DNM1: variants seen among roughly 807,000 people sequenced by gnomAD.
DNM1 encodes dynamin-1.
In DNM1, 29 loss-of-function variants were observed where a neutral mutation model predicts 104.6. That is an observed-to-expected ratio of 0.28 (90% CI 0.21 to 0.38). The LOEUF (loss-of-function observed/expected upper bound fraction) is 0.38. Among genes scored for constraint, DNM1 ranks in the 10% least tolerant of loss-of-function variants. The pLI, the probability that DNM1 is intolerant of heterozygous loss-of-function variation, is 1.00. For synonymous variants in DNM1, 445 were observed against 475.8 expected, an observed-to-expected ratio of 0.94 and a Z score of 0.84; for missense variants, 640 against 1,189.4, an observed-to-expected ratio of 0.54 and a Z score of 6.79.
chr9:128,242,551 G>A (rs996894155), intron 15 of DNM1, among the ~76,000 whole-genome samples: 5 of 152,286 alleles, frequency 3.3e-5, no homozygotes, highest in Middle Eastern at 6.8e-3. Context: ...CCTGCGGTCA[G>A]GAGTCCGAGA....
chr9:128,204,760 C>T (rs1030078804), intron 1 of DNM1: 1 of 152,710 alleles, frequency 6.5e-6, no homozygotes, highest in Admixed American at 6.5e-5. Context: ...GAAACTCTTG[C>T]TTTCTTCCAA....
intron 1 of DNM1, among the ~76,000 whole-genome samples, chr9:128,216,199 G>A (rs1306978785): frequency 3.3e-5 from 5 of 152,174 alleles, no homozygotes; most frequent in African/African-American, 1.2e-4. Flanking sequence ...CACAGGGCCC[G>A]GCACAGACTG....
chr9:128,234,170 C>T, intron 11 of DNM1, 63 bp downstream of exon 11: 1 of 1,350,942 alleles, frequency 7.4e-7, no homozygotes, highest in South Asian at 1.4e-5. Flanking sequence ...CTGCGCCTTC[C>T]ACTCCTGGCC....
At position 128,247,902 on chromosome 9, in the gene DNM1, T is replaced by C. The variant is rs199919493; in HGVS notation, c.1894-22T>C. ...TCCCTGGTGGTGGCGGCGGTGGCAA[T>C]GTTGGTGTGTGGGCCTCCCAGGACA... On this transcript the variant is annotated intron_variant, in intron 17 of 21. Transcript: ENST00000372923. This position sits in a 1 kb window ranked among gnomAD's most constrained non-coding sequence, Gnocchi z 5.1. The C allele has an allele frequency of 6.2e-7, 1 of 1,613,024 alleles. No homozygotes were observed. The highest frequency in any genetic ancestry group is 8.5e-7 in the Non-Finnish European group (1 of 1,179,388).
chr9:128,217,061 C>T (rs1450508094), intron 1 of DNM1, among the ~76,000 whole-genome samples: 2 of 152,170 alleles, frequency 1.3e-5, no homozygotes, highest in Admixed American at 6.5e-5. Context: ...CCGGCACCCA[C>T]AAGAGTCAGC....
At position 128,224,484 on chromosome 9, in the gene DNM1, T is replaced by G; in HGVS notation, c.1335+95T>G. 7.7e-7 allele frequency: 1 copy of G among 1,298,138 alleles called. No homozygotes were observed. Among genetic ancestry groups the G allele is most frequent in the Non-Finnish European group, 1.1e-6 (1 of 934,086 alleles). 80.4% of individuals were successfully genotyped at this position (1,298,138 alleles called of 1,614,324 possible). ...CCCATGTCCCCCCCTGCCTCCTCGG[T>G]AGCATGTACAGACCTCAGCGGGGTG... is the stretch of plus-strand genomic sequence containing the variant. On this transcript the variant is annotated intron_variant, in intron 10 of 21. Coordinates refer to ENST00000372923, the MANE Select transcript of DNM1 (RefSeq NM_004408.4). This position sits in a 1 kb window ranked among gnomAD's most constrained non-coding sequence, Gnocchi z 4.3.
At position 128,225,970 on chromosome 9, in the gene DNM1, C is replaced by T. The variant is rs542236450; in HGVS notation, c.1335+1581C>T. ...TGGATTCCTGTCTCTGCTTGGCTTTCACCCACTTCTCCTCCCCACCCACGG... is the reference window on the plus strand; with the variant it reads ...TGGATTCCTGTCTCTGCTTGGCTTTTACCCACTTCTCCTCCCCACCCACGG... On this transcript the variant is annotated intron_variant, in intron 10 of 21. Transcript: ENST00000372923. The T allele has an allele frequency of 6.5e-6, 10 of 1,529,786 alleles. No homozygotes were observed. In the African/African-American group the frequency reaches 8.2e-5, roughly 13 times the overall value. The allele number at this position is 1,529,786 out of a possible 1,614,324, so 94.8% of individuals were successfully genotyped here.
chr9:128,242,700 C>A (rs1241335120), intron 15 of DNM1, among the ~76,000 whole-genome samples: 1 of 152,096 alleles, frequency 6.6e-6, no homozygotes, highest in African/African-American at 2.4e-5. Context: ...GCGGAGGTTG[C>A]AGTGAGCCGA....
chr9:128,205,162 A>G (rs1434035014), intron 1 of DNM1, among the ~76,000 whole-genome samples: 1 of 152,168 alleles, frequency 6.6e-6, no homozygotes, highest in Non-Finnish European at 1.5e-5. Context: ...GCAGAGACAC[A>G]GGCAAGAGAC....
Position 128,218,791 on chromosome 9 carries a change from C to T in DNM1, c.385+60C>T. On this transcript the variant is annotated intron_variant, in intron 3 of 21. Transcript: ENST00000372923. The surrounding 1 kb of genome is among the most constrained non-coding windows in gnomAD (Gnocchi z 4.8). ...TCATTTTCTTGGCCACGCACCTCTG[C>T]GTGCCTCGCTCCTCCTGCAGACTCC... is the stretch of plus-strand genomic sequence containing the variant. 7 of 1,515,552 alleles carry T rather than the reference C, an allele frequency of 4.6e-6. No homozygotes were observed. The South Asian group carries it at 7.6e-5, about 16-fold the overall frequency. The allele number at this position is 1,515,552 out of a possible 1,614,324, so 93.9% of individuals were successfully genotyped here.
Position 128,247,903 on chromosome 9 carries a change from G to A in DNM1, c.1894-21G>A, listed in dbSNP as rs748791421. ...CCCTGGTGGTGGCGGCGGTGGCAATGTTGGTGTGTGGGCCTCCCAGGACAA... is the reference window on the plus strand; with the variant it reads ...CCCTGGTGGTGGCGGCGGTGGCAATATTGGTGTGTGGGCCTCCCAGGACAA... On this transcript the variant is annotated intron_variant, in intron 17 of 21. Transcript: ENST00000372923. The surrounding 1 kb of genome is among the most constrained non-coding windows in gnomAD (Gnocchi z 5.1). 2.0e-5 allele frequency: 33 copies of A among 1,613,182 alleles called. No individual in the cohort carries two copies. Among genetic ancestry groups the A allele is most frequent in the Non-Finnish European group, 2.8e-5 (33 of 1,179,504 alleles).
At position 128,250,770 on chromosome 9, in the gene DNM1, G is replaced by A. The variant is rs904300233; in HGVS notation, c.2364G>A (p.Val788=). The part of the protein sequence containing the change: ...SPTPQRRAPA[V]PPARPGSRGP... ...CGCCGCAGCGCCGAGCCCCCGCCGT[G>A]CCCCCAGCCCGGCCCGGGTCGCGGG... The change falls in exon 21 of 22, where the codon GTG becomes GTA. Residue 788 remains valine (V), a synonymous_variant. Transcript: ENST00000372923. 1.4e-4 allele frequency: 195 copies of A among 1,400,098 alleles called. No individual in the cohort carries two copies. Among genetic ancestry groups the A allele is most frequent in the Non-Finnish European group, 1.8e-4 (190 of 1,083,978 alleles). 86.7% of individuals were successfully genotyped at this position (1,400,098 alleles called of 1,614,324 possible). A position where few individuals can be genotyped will look rare whatever the true frequency, so the allele number is the denominator to read the frequency against.
At position 128,240,407 on chromosome 9, in the gene DNM1, C is replaced by T. The variant is rs150716474; in HGVS notation, c.1557+411C>T. ...GTCAAGAAGTCACTGCTCACCTGGC[C>T]TCCTGCTCTCTGTCCTTAGATGTCT... On this transcript the variant is annotated intron_variant, in intron 14 of 21. Transcript: ENST00000372923. The surrounding 1 kb of genome is among the most constrained non-coding windows in gnomAD (Gnocchi z 5.1). 2 of 222,416 alleles carry T rather than the reference C, an allele frequency of 9.0e-6. No homozygotes were observed. The highest frequency in any genetic ancestry group is 2.7e-4 in the East Asian group (2 of 7,380). 13.8% of individuals were successfully genotyped at this position (222,416 alleles called of 1,614,324 possible). A position where few individuals can be genotyped will look rare whatever the true frequency, so the allele number is the denominator to read the frequency against.
Position 128,254,956 on chromosome 9 carries a change from A to G in DNM1, c.*242A>G. The G allele has an allele frequency of 2.4e-6, 1 of 414,772 alleles. No individual in the cohort carries two copies. The highest frequency in any genetic ancestry group is 4.9e-5 in the East Asian group (1 of 20,302). 25.7% of individuals were successfully genotyped at this position (414,772 alleles called of 1,614,324 possible). A position where few individuals can be genotyped will look rare whatever the true frequency, so the allele number is the denominator to read the frequency against. ...TACTCATATATATACACACCTACAC[A>G]TGGCCAACCGCCTCGCCTCTAGCGC... On this transcript the variant is annotated 3_prime_UTR_variant, in exon 22 of 22. Coordinates refer to ENST00000372923, the MANE Select transcript of DNM1 (RefSeq NM_004408.4). This position sits in a 1 kb window ranked among gnomAD's most constrained non-coding sequence, Gnocchi z 6.1.
chr9:128,203,746 G>C lies in DNM1; in HGVS notation c.161+115G>C. On this transcript the variant is annotated intron_variant, in intron 1 of 21. Transcript: ENST00000372923. The surrounding 1 kb of genome is among the most constrained non-coding windows in gnomAD (Gnocchi z 5.3). ...AGCCCCCGACGCTGCACCCGCGGCC[G>C]GCGCGCCCCCCACCCCCAGCCGGAG... The C allele has an allele frequency of 2.9e-6, 3 of 1,018,974 alleles. No individual in the cohort carries two copies. Among genetic ancestry groups the C allele is most frequent in the South Asian group, 7.1e-5 (2 of 28,000 alleles). The allele number at this position is 1,018,974 out of a possible 1,614,324, so 63.1% of individuals were successfully genotyped here.
Position 128,239,320 on chromosome 9 carries a change from G to A in DNM1, c.1423-125G>A, listed in dbSNP as rs1026233808. ...GCTTTTGTCTTTCACTGATGGTAGGGACTATATTTATTATGGATACTAACC... is the reference window on the plus strand; with the variant it reads ...GCTTTTGTCTTTCACTGATGGTAGGAACTATATTTATTATGGATACTAACC... On this transcript the variant is annotated intron_variant, in intron 11 of 21. Coordinates refer to ENST00000372923, the MANE Select transcript of DNM1 (RefSeq NM_004408.4). 15 of 727,240 alleles carry A rather than the reference G, an allele frequency of 2.1e-5. No homozygotes were observed. In the African/African-American group the frequency reaches 2.2e-4, roughly 11 times the overall value. The allele number at this position is 727,240 out of a possible 1,614,324, so 45.0% of individuals were successfully genotyped here.
intron 10 of DNM1, 116 bp from the exon 11 acceptor site, chr9:128,233,905 G>A: frequency 1.1e-6 from 1 of 903,718 alleles, no homozygotes; most frequent in South Asian, 1.4e-5. Flanking sequence ...CCGCGTTGTG[G>A]GCATTCTGTG....
intron 11 of DNM1, among the ~76,000 whole-genome samples, chr9:128,237,520 C>T (rs961797188): frequency 2.0e-5 from 3 of 152,084 alleles, no homozygotes; most frequent in Non-Finnish European, 4.4e-5. Context: ...CTACCTGCCT[C>T]GGCCTCCCAA....
At position 128,224,375 on chromosome 9, in the gene DNM1, C is replaced by T. The variant is rs779417138; in HGVS notation, c.1321C>T (p.Gln441Ter). The change falls in exon 10 of 22, where the codon CAG (glutamine) becomes TAG (stop). Residue 441 changes from glutamine (Q) to a stop codon, truncating the protein, a stop_gained. Coordinates refer to ENST00000372923, the MANE Select transcript of DNM1 (RefSeq NM_004408.4). LOFTEE classifies it high-confidence loss of function. This position sits in a 1 kb window ranked among gnomAD's most constrained non-coding sequence, Gnocchi z 4.3. ...VISELISTVRQCTKKLQQYPR... is the reference protein window; with the variant it reads ...VISELISTVR ...CTCGGAGCTAATCAGCACCGTTAGA[C>T]AGTGCACCAAGAAGGTAACCCGGAG... The T allele has an allele frequency of 3.1e-6, 5 of 1,611,782 alleles. No individual in the cohort carries two copies. The highest frequency in any genetic ancestry group is 4.2e-6 in the Non-Finnish European group (5 of 1,178,358).
Sources: gnomAD v4.1 joint callset for allele counts (sites outside exome capture counted in the v4.1 genomes callset) on GRCh38, gnomAD v4.1.1 for gene constraint, Gnocchi (gnomAD v3.1) non-coding constraint, MANE v1.5 for transcripts, NCBI Gene and HGNC (gene_info 2026-07-23, HGNC 2026-07-21) for gene names.